Variants in MRRF observed in about 807,000 individuals in gnomAD.
MRRF encodes the protein mitochondrial ribosome recycling factor.
A neutral mutation model predicts 25.1 loss-of-function variants in MRRF; 18 were observed. The ratio of observed to expected loss-of-function variants is 0.72; its 90% CI spans 0.50 to 1.06. The LOEUF (loss-of-function observed/expected upper bound fraction) is 1.06, where lower values mean the gene tolerates loss of function less well. Ranked by LOEUF, MRRF falls within the 50% of genes least tolerant of loss-of-function variation. The pLI is 0.00. For missense variants in MRRF, 323 were observed against 319.3 expected, an observed-to-expected ratio of 1.01 and a Z score of -0.09; for synonymous variants, 113 against 112.1, an observed-to-expected ratio of 1.01 and a Z score of -0.05.
In MRRF at chr9:122,327,979, T is replaced by C. The variant is rs540984692; in HGVS notation, c.*5362T>C. 2 of 148,708 alleles carry C rather than the reference T, an allele frequency of 1.3e-5. No homozygotes were observed. The highest frequency in any genetic ancestry group is 4.9e-5 in the African/African-American group (2 of 40,738). 9.2% of individuals were successfully genotyped at this position (148,708 alleles called of 1,614,324 possible). On this transcript the variant is annotated 3_prime_UTR_variant, in exon 7 of 7. Transcript: ENST00000344641. Reference sequence around the variant, plus strand: ...CATAAAATTTACTCTCTTAACCATGTTTTTTTTTTAGACAGGGTCTTGCTC... The same window carrying C: ...CATAAAATTTACTCTCTTAACCATGCTTTTTTTTTAGACAGGGTCTTGCTC...
chr9:122,314,102 T>C (rs1446498407), intron 6 of MRRF, among the ~76,000 whole-genome samples: 2 of 152,168 alleles, frequency 1.3e-5, no homozygotes, highest in East Asian at 3.9e-4. Flanking sequence ...ATATTAGTCA[T>C]GTATGGCCAC....
rs182675863 is a variant in MRRF, at chr9:122,274,835, A to T, written c.184+3760A>T. 2.5e-3 allele frequency among the ~76,000 whole-genome samples: 381 copies of T among 151,970 alleles called. 2 individuals are homozygous for T. Among genetic ancestry groups the T allele is most frequent in the African/African-American group, 8.8e-3 (367 of 41,482 alleles). Reference sequence around the variant, plus strand: ...TAATTGTTCTTGACAGAAGTTATAAACCTTTTAAAAGAGTCTTTAATTTTT... The same window carrying T: ...TAATTGTTCTTGACAGAAGTTATAATCCTTTTAAAAGAGTCTTTAATTTTT... On this transcript the variant is annotated intron_variant, in intron 2 of 6. Coordinates refer to ENST00000344641, the MANE Select transcript of MRRF (RefSeq NM_138777.5).
At chr9:122,299,478 G>A (rs371084180) in intron 5 of MRRF, among the ~76,000 whole-genome samples, 5 of 152,062 alleles carry the variant, frequency 3.3e-5, no homozygotes, top group Admixed American at 1.3e-4. Context: ...GAGAGGTCAA[G>A]TAGGCTGTTG....
intron 2 of MRRF, among the ~76,000 whole-genome samples, chr9:122,277,034 A>G (rs1186915881): frequency 6.6e-6 from 1 of 151,828 alleles, no homozygotes; most frequent in African/African-American, 2.4e-5. Context: ...TAATTTTTGT[A>G]TTTTTTGTAG....
At position 122,304,934 on chromosome 9, in the gene MRRF, C is replaced by T. The variant is rs115378713; in HGVS notation, c.552-8293C>T. ...GGGCAGGTTACTTGATCTGTCTGAA[C>T]CCCCACTTCCCACTTTTTTTTTTTT... is the stretch of plus-strand genomic sequence containing the variant. On this transcript the variant is annotated intron_variant, in intron 5 of 6. Transcript: ENST00000344641. Among the ~76,000 whole-genome samples, 599 of 152,110 alleles carry T rather than the reference C, an allele frequency of 3.9e-3. 1 individual carries two copies. The highest frequency in any genetic ancestry group is 8.2e-3 in the African/African-American group (339 of 41,504).
At chr9:122,279,163 G>A (rs998154290) in intron 2 of MRRF, among the ~76,000 whole-genome samples, 17 of 152,214 alleles carry the variant, frequency 1.1e-4, no homozygotes, top group African/African-American at 3.1e-4. Context: ...GAGCCACTGC[G>A]CCCAGCCCCA....
intron 6 of MRRF, among the ~76,000 whole-genome samples, chr9:122,318,135 C>CA (rs964784634): frequency 2.0e-5 from 3 of 151,638 alleles, no homozygotes; most frequent in Admixed American, 1.3e-4. Flanking sequence ...GACTCCATCT[C>CA]AAAAAAAATA....
chr9:122,312,520 G>C (rs909835003), intron 5 of MRRF, among the ~76,000 whole-genome samples: 3 of 152,120 alleles, frequency 2.0e-5, no homozygotes, highest in Non-Finnish European at 4.4e-5. Flanking sequence ...CAGAACTTAG[G>C]ATTGTCCTTC....
At chr9:122,289,312 GAGCAC>G (rs1833606348) in intron 4 of MRRF, among the ~76,000 whole-genome samples, 1 of 152,156 alleles carries the variant, frequency 6.6e-6, no homozygotes, top group Non-Finnish European at 1.5e-5. Flanking sequence ...AGCTTTTACT[GAGCAC>G]TTACCATGTA....
chr9:122,292,120 C>T (rs942585094), intron 5 of MRRF, among the ~76,000 whole-genome samples: 1 of 152,122 alleles, frequency 6.6e-6, no homozygotes, highest in Non-Finnish European at 1.5e-5. Context: ...TAAAGTCATT[C>T]CAGATAATGA....
chr9:122,317,086 AT>A (rs1835579719), intron 6 of MRRF, among the ~76,000 whole-genome samples: 3 of 150,722 alleles, frequency 2.0e-5, no homozygotes, highest in African/African-American at 4.9e-5. Context: ...ATATATATAT[AT>A]AAATCTTTGT....
rs184453403 is a variant in MRRF at position 122,271,083 on chromosome 9, C to T, written c.184+8C>T. 12 of 1,612,418 alleles carry T rather than the reference C, an allele frequency of 7.4e-6. No individual in the cohort carries two copies. The Admixed American group carries it at 8.3e-5, about 11-fold the overall frequency. The stretch of plus-strand genomic sequence containing the variant: ...CTACCAAGAAAGCCAAAGGTAGAGA[C>T]ATGTGACGTTCTCTCCTACTTCACC... On this transcript the variant is annotated splice_region_variant and intron_variant, in intron 2 of 6. Transcript: ENST00000344641.
chr9:122,321,559 A>G (rs1221923144), intron 6 of MRRF, among the ~76,000 whole-genome samples: 3 of 152,202 alleles, frequency 2.0e-5, no homozygotes, highest in African/African-American at 7.2e-5. Flanking sequence ...ATTTGCATCA[A>G]TTTGAATTTC....
rs1216418342 is a variant in MRRF, at chr9:122,304,096, CACA to C, written c.552-9130_552-9128del. Among the ~76,000 whole-genome samples, 16 of 152,034 alleles carry C rather than the reference CACA, an allele frequency of 1.1e-4. No individual in the cohort carries two copies. In the East Asian group the frequency reaches 1.2e-3, roughly 11 times the overall value. ...ACACACACACACACACACACACACA[CACA>C]CCCTTTAGGGATATTGAAAGAAAAA... On this transcript the variant is annotated intron_variant, in intron 5 of 6. Coordinates refer to ENST00000344641, the MANE Select transcript of MRRF (RefSeq NM_138777.5).
intron 5 of MRRF, 45 bp downstream of exon 5, chr9:122,291,885 TG>T: frequency 1.4e-6 from 2 of 1,415,624 alleles, no homozygotes; most frequent in Non-Finnish European, 2.0e-6. Context: ...ACGGGGTGGT[TG>T]TCCTTGGAAG....
At chr9:122,293,373 A>T (rs1265312706) in intron 5 of MRRF, among the ~76,000 whole-genome samples, 2 of 152,206 alleles carry the variant, frequency 1.3e-5, no homozygotes, top group Non-Finnish European at 2.9e-5. Context: ...GAAGCCACAC[A>T]GCTTGTGCTG....
chr9:122,289,595 CTG>C (rs1222210441), intron 4 of MRRF, among the ~76,000 whole-genome samples: 3 of 150,074 alleles, frequency 2.0e-5, no homozygotes, highest in South Asian at 2.1e-4. Context: ...ACTTTAGAAT[CTG>C]TTTTTTTTTT....
At chr9:122,289,261 C>G (rs1468140778) in intron 4 of MRRF, among the ~76,000 whole-genome samples, 1 of 152,170 alleles carries the variant, frequency 6.6e-6, no homozygotes, top group Non-Finnish European at 1.5e-5. Context: ...GTGAGTTTTT[C>G]TAATACATCT....
rs932622115 is a variant in MRRF at position 122,328,569 on chromosome 9, C to G, written c.*5952C>G. The G allele has an allele frequency of 7.9e-5, 12 of 152,176 alleles. No individual in the cohort carries two copies. The highest frequency in any genetic ancestry group is 2.9e-4 in the African/African-American group (12 of 41,456). 9.4% of individuals were successfully genotyped at this position (152,176 alleles called of 1,614,324 possible). A position where few individuals can be genotyped will look rare whatever the true frequency, so the allele number is the denominator to read the frequency against. ...ATGTATCAGAATTTCCTTTCTAAGG[C>G]TGAGTAATCTGTTGTATATATGAAT... On this transcript the variant is annotated 3_prime_UTR_variant, in exon 7 of 7. Coordinates refer to ENST00000344641, the MANE Select transcript of MRRF (RefSeq NM_138777.5).
Sources: allele counts gnomAD v4.1 joint callset (sites outside exome capture counted in the v4.1 genomes callset), GRCh38; gene constraint gnomAD v4.1.1; transcripts MANE v1.5; gene names NCBI Gene and HGNC (gene_info 2026-07-23, HGNC 2026-07-21).